TRPC4AP: variants seen among roughly 807,000 people sequenced by gnomAD.
TRPC4AP encodes short transient receptor potential channel 4-associated protein.
In TRPC4AP, 45 loss-of-function variants were observed where a neutral mutation model predicts 99.0. That is an observed-to-expected ratio of 0.45 (90% CI 0.36 to 0.58). The LOEUF (loss-of-function observed/expected upper bound fraction) is 0.58, where lower values mean the gene tolerates loss of function less well. Ranked by LOEUF, TRPC4AP falls within the 20% of genes least tolerant of loss-of-function variation. The probability of loss-of-function intolerance (pLI) is 0.00; values close to 1 mark genes in which losing one functional copy is unlikely to be tolerated. For missense variants in TRPC4AP, 879 were observed against 985.3 expected, an observed-to-expected ratio of 0.89 and a Z score of 1.44; for synonymous variants, 408 against 385.8, an observed-to-expected ratio of 1.06 and a Z score of -0.67.
rs1174419386 is a variant in TRPC4AP, at chr20:35,080,870, G to C, written c.169-2696C>G. On this transcript the variant is annotated intron_variant, in intron 1 of 18. Transcript: ENST00000252015. The stretch of plus-strand genomic sequence containing the variant: ...CTTGTACACTTTAAAAGGGTGACTT[G>C]TGCAATATGTGAATTACATCTCAAT... Among the ~76,000 whole-genome samples, 3 of 150,040 alleles carry C rather than the reference G, an allele frequency of 2.0e-5. No individual in the cohort carries two copies. The East Asian group carries it at 5.9e-4, about 29-fold the overall frequency.
chr20:35,003,711 C>T (rs1446262827), intron 17 of TRPC4AP, 95 bp from the exon 18 acceptor site: 3 of 1,386,132 alleles, frequency 2.2e-6, no homozygotes, highest in Non-Finnish European at 2.0e-6. Context: ...GGAGAGTGGC[C>T]CCAGGCCTCG....
chr20:35,054,878 C>A, intron 5 of TRPC4AP, 98 bp downstream of exon 5: 1 of 1,047,390 alleles, frequency 9.5e-7, no homozygotes, highest in African/African-American at 1.6e-5. Flanking sequence ...TGTCTGAAAG[C>A]AGCTCTTATG....
intron 4 of TRPC4AP, 47 bp downstream of exon 4, chr20:35,057,467 A>G (rs2083864753): frequency 3.3e-6 from 5 of 1,506,934 alleles, no homozygotes; most frequent in Non-Finnish European, 3.7e-6. Context: ...CTGCCACCGT[A>G]TCGGCAGGTT....
chr20:35,011,676 C>T (rs2082641045), intron 11 of TRPC4AP, among the ~76,000 whole-genome samples: 1 of 152,230 alleles, frequency 6.6e-6, no homozygotes, highest in African/African-American at 2.4e-5. Flanking sequence ...TGCAGCCCAG[C>T]CCAGAGCCAA....
rs555072085 is a variant in TRPC4AP, at chr20:35,067,275, G to A, written c.414+2021C>T. ...CAAGGCTGGGGGACTGTTTGAGTCC[G>A]GGAGTTTGAGACCAGTCTGGGCAAC... On this transcript the variant is annotated intron_variant, in intron 3 of 18. Transcript: ENST00000252015. Among the ~76,000 whole-genome samples the A allele has an allele frequency of 2.6e-5, 4 of 152,318 alleles. No homozygotes were observed. In the South Asian group the frequency reaches 8.3e-4, roughly 32 times the overall value.
intron 4 of TRPC4AP, among the ~76,000 whole-genome samples, chr20:35,055,639 C>CT (rs1159410026): frequency 6.6e-6 from 1 of 152,236 alleles, no homozygotes; most frequent in East Asian, 1.9e-4. Flanking sequence ...TCCCGAGTGG[C>CT]TAGGACTGCA....
intron 1 of TRPC4AP, among the ~76,000 whole-genome samples, chr20:35,080,556 A>C (rs531457311): frequency 7.7e-4 from 116 of 150,292 alleles, no homozygotes; most frequent in African/African-American, 2.7e-3. Flanking sequence ...AAAAAAAAAA[A>C]CCTAAAAGAA....
chr20:35,059,906 G>A lies in TRPC4AP; in HGVS notation c.415-2335C>T, dbSNP rs6142286. On this transcript the variant is annotated intron_variant, in intron 3 of 18. Transcript: ENST00000252015. The stretch of plus-strand genomic sequence containing the variant: ...AGACAAAGATGAAGATGAAGAAGAC[G>A]AAGACGAAGAAGACAAAGACGAAGA... 7.1e-3 allele frequency among the ~76,000 whole-genome samples: 324 copies of A among 45,724 alleles called. 1 individual carries two copies. Among genetic ancestry groups the A allele is most frequent in the Middle Eastern group, 0.021 (1 of 48 alleles). The allele number at this position is 45,724 out of a possible 152,430, so 30.0% of individuals were successfully genotyped here. A position where few individuals can be genotyped will look rare whatever the true frequency, so the allele number is the denominator to read the frequency against.
chr20:35,092,096 T>A (rs1263510612), intron 1 of TRPC4AP, among the ~76,000 whole-genome samples: 1 of 152,060 alleles, frequency 6.6e-6, no homozygotes, highest in Admixed American at 6.6e-5. Flanking sequence ...ACTAAGAAAG[T>A]AATGTAAACG....
Position 35,008,738 on chromosome 20 carries a change from C to T in TRPC4AP, c.1521G>A (p.Val507=). Residue 507 remains valine (V), a synonymous_variant, in exon 13 of 19, where the codon GTG becomes GTA. Coordinates refer to ENST00000252015, the MANE Select transcript of TRPC4AP (RefSeq NM_015638.3). ...EAVLNTDRSL[V]CDGKRGLLTR... is the part of the protein sequence containing the mutation. The stretch of plus-strand genomic sequence containing the variant: ...TTAATAAGCCCCTCTTCCCATCACA[C>T]ACCAAACTCCTGAAATAGAAGAGAG... 6.2e-7 allele frequency: 1 copy of T among 1,613,782 alleles called. No homozygotes were observed. The highest frequency in any genetic ancestry group is 1.7e-5 in the Admixed American group (1 of 59,970).
chr20:35,066,650 A>G (rs2084151961), intron 3 of TRPC4AP, among the ~76,000 whole-genome samples: 1 of 152,224 alleles, frequency 6.6e-6, no homozygotes, highest in Non-Finnish European at 1.5e-5. Flanking sequence ...AAACTGTAAA[A>G]TATTAGAAGG....
intron 1 of TRPC4AP, among the ~76,000 whole-genome samples, chr20:35,090,126 A>AAGT (rs2085010576): frequency 6.6e-6 from 1 of 151,532 alleles, no homozygotes; most frequent in Non-Finnish European, 1.5e-5. Flanking sequence ...GTAAGCAAAT[A>AAGT]ACTTATTCTG....
At chr20:35,089,836 A>T (rs2084997206) in intron 1 of TRPC4AP, among the ~76,000 whole-genome samples, 1 of 152,010 alleles carries the variant, frequency 6.6e-6, no homozygotes, top group African/African-American at 2.4e-5. Flanking sequence ...ACAGAGCGAG[A>T]CTCCGTCTAA....
intron 8 of TRPC4AP, among the ~76,000 whole-genome samples, chr20:35,022,408 A>G (rs2082912797): frequency 6.6e-6 from 1 of 152,196 alleles, no homozygotes; most frequent in Non-Finnish European, 1.5e-5. Context: ...TGCCCGCCTC[A>G]GCCTCCCAAA....
intron 2 of TRPC4AP, among the ~76,000 whole-genome samples, chr20:35,076,929 G>A (rs1046825998): frequency 6.6e-6 from 1 of 152,186 alleles, no homozygotes; most frequent in Non-Finnish European, 1.5e-5. Context: ...GAGCTTCCCG[G>A]CCGCTTTGTT....
chr20:35,016,259 A>T (rs2082751787), intron 9 of TRPC4AP, 120 bp from the exon 10 acceptor site: 2 of 1,215,672 alleles, frequency 1.6e-6, no homozygotes, highest in African/African-American at 1.5e-5. Context: ...GTCAGTAAGG[A>T]GGGCCAGGGT....
At position 35,006,483 on chromosome 20, in the gene TRPC4AP, G is replaced by T; in HGVS notation, c.1779C>A (p.Asn593Lys). The stretch of plus-strand genomic sequence containing the variant: ...TATTGAATCTCTTGAATGCATCAAC[G>T]TTGAACTTCATCAGCTCCCCCAGGA... The part of the protein sequence containing the change: ...FDLLGELMKF[N>K]VDAFKRFNKY... The change falls in exon 15 of 19, where the codon AAC becomes AAA. Residue 593 changes from asparagine to lysine, a missense_variant. Asn to Lys is a moderately conservative substitution (Grantham distance 94). This residue lies in a region of TRPC4AP where 224 missense variants were observed against 264.7 expected (regional missense o/e 0.85). Coordinates refer to ENST00000252015, the MANE Select transcript of TRPC4AP (RefSeq NM_015638.3). The T allele has an allele frequency of 6.2e-7, 1 of 1,614,190 alleles. No homozygotes were observed.
intron 7 of TRPC4AP, among the ~76,000 whole-genome samples, chr20:35,038,129 C>T (rs1159517624): frequency 1.3e-5 from 2 of 149,416 alleles, no homozygotes; most frequent in Non-Finnish European, 1.5e-5. Context: ...GTGATGAAAA[C>T]GTGCAACTAG....
chr20:35,032,629 C>T (rs1312626259), intron 8 of TRPC4AP, among the ~76,000 whole-genome samples: 2 of 151,790 alleles, frequency 1.3e-5, no homozygotes, highest in East Asian at 2.0e-4. Flanking sequence ...CCTGCCACCA[C>T]GCCCAGCTAA....
Sources: gnomAD v4.1 joint callset for allele counts (sites outside exome capture counted in the v4.1 genomes callset) on GRCh38, gnomAD v4.1.1 for gene constraint, gnomAD v4.1.1 regional missense constraint, MANE v1.5 for transcripts, NCBI Gene and HGNC (gene_info 2026-07-23, HGNC 2026-07-21) for gene names.